Variants in TFDP1 observed in about 807,000 individuals in gnomAD.
TFDP1 encodes DRTF1-polypeptide 1.
A neutral mutation model predicts 48.0 loss-of-function variants in TFDP1; 6 were observed. The ratio of observed to expected loss-of-function variants is 0.13; its 90% confidence interval spans 0.07 to 0.25. TFDP1 has a LOEUF of 0.25. Ranked by LOEUF, TFDP1 falls within the 10% of genes least tolerant of loss-of-function variation. TFDP1 has a pLI of 1.00. For missense variants in TFDP1, 335 were observed against 543.0 expected (o/e 0.62, Z 3.81); for synonymous variants, 201 against 211.6 (o/e 0.95, Z 0.44).
intron 2 of TFDP1, among the ~76,000 whole-genome samples, chr13:113,602,201 C>T (rs775741194): frequency 4.7e-5 from 7 of 147,734 alleles, no homozygotes; most frequent in African/African-American, 1.5e-4. Flanking sequence ...CGGAGTTACC[C>T]GCAGGAGCTG....
At chr13:113,628,718 C>G (rs993617689) in intron 4 of TFDP1, among the ~76,000 whole-genome samples, 3 of 152,152 alleles carry the variant, frequency 2.0e-5, no homozygotes, top group African/African-American at 4.8e-5. Context: ...CTTTTTTTCC[C>G]TAGGGGCCCA....
In TFDP1 at chr13:113,625,567, CGTGTCCTCAGGTGTTTCTCAG is replaced by C. The variant is rs200175002; in HGVS notation, c.186+2287_186+2307del. ...CTCACGTGTCCTCAGGTGTCTCTCA[CGTGTCCTCAGGTGTTTCTCAG>C]GTGTCTCTCACGTGTCTTCAGGCGT... On this transcript the variant is annotated intron_variant, in intron 4 of 11. Coordinates refer to ENST00000375370, the MANE Select transcript of TFDP1 (RefSeq NM_007111.5). Among the ~76,000 whole-genome samples the C allele has an allele frequency of 5.8e-3, 525 of 90,090 alleles. 24 individuals are homozygous for C. Among genetic ancestry groups the C allele is most frequent in the Middle Eastern group, 0.013 (2 of 158 alleles). 59.1% of individuals were successfully genotyped at this position (90,090 alleles called of 152,430 possible). A position where few individuals can be genotyped will look rare whatever the true frequency, so the allele number is the denominator to read the frequency against.
In TFDP1 at chr13:113,640,347, C is replaced by G; in HGVS notation, c.*80C>G. ...TTTTTTTAATGTGGGTTTTCTGTTT[C>G]CTTTTGGCCTACTCCCAAGAAGATA... On this transcript the variant is annotated 3_prime_UTR_variant, in exon 12 of 12. Transcript: ENST00000375370. 1 of 1,526,408 alleles carries G rather than the reference C, an allele frequency of 6.6e-7. No homozygotes were observed. The highest frequency in any genetic ancestry group is 1.2e-5 in the South Asian group (1 of 81,450). 94.6% of individuals were successfully genotyped at this position (1,526,408 alleles called of 1,614,324 possible). A position where few individuals can be genotyped will look rare whatever the true frequency, so the allele number is the denominator to read the frequency against.
intron 2 of TFDP1, among the ~76,000 whole-genome samples, chr13:113,597,864 G>T (rs1240514957): frequency 6.6e-6 from 1 of 152,188 alleles, no homozygotes; most frequent in East Asian, 1.9e-4. Context: ...CTTTGCCCCA[G>T]TGTTGCACAG....
intron 4 of TFDP1, among the ~76,000 whole-genome samples, chr13:113,628,195 A>AAGCCGTGTAAAGACTGTCTGG (rs1375505771): frequency 1.4e-5 from 2 of 145,044 alleles, no homozygotes; most frequent in Admixed American, 6.8e-5. Flanking sequence ...ACTGTGTCTG[A>AAGCCGTGTAAAGACTGTCTGG]AGCCGTGTAA....
intron 4 of TFDP1, among the ~76,000 whole-genome samples, chr13:113,626,424 AAG>A (rs1403995356): frequency 4.6e-5 from 7 of 152,176 alleles, no homozygotes; most frequent in Non-Finnish European, 7.3e-5. Context: ...TATGAGTTTT[AAG>A]AGAGAGTGGC....
chr13:113,629,285 C>T (rs1044881696), intron 4 of TFDP1, among the ~76,000 whole-genome samples: 1 of 152,190 alleles, frequency 6.6e-6, no homozygotes, highest in African/African-American at 2.4e-5. Flanking sequence ...ACCTGGCCTC[C>T]GTAAACAACG....
Position 113,633,094 on chromosome 13 carries a change from C to T in TFDP1, c.309-26C>T, listed in dbSNP as rs1262384110. 1.2e-6 allele frequency: 2 copies of T among 1,613,488 alleles called. No individual in the cohort carries two copies. The highest frequency in any genetic ancestry group is 1.1e-5 in the South Asian group (1 of 91,024). On this transcript the variant is annotated intron_variant, in intron 5 of 11. Transcript: ENST00000375370. This position sits in a 1 kb window ranked among gnomAD's most constrained non-coding sequence, Gnocchi z 4.5. ...TGATCCTCAGGAGGGCTGACAGTCG[C>T]TTCTCTTTTCCTTTGTATTTTGAAG...
chr13:113,587,059 T>G (rs1594389097), intron 2 of TFDP1, among the ~76,000 whole-genome samples: 1 of 152,170 alleles, frequency 6.6e-6, no homozygotes, highest in East Asian at 1.9e-4. Context: ...TGTTGTGTGG[T>G]TTCCTGTGTG....
intron 2 of TFDP1, among the ~76,000 whole-genome samples, chr13:113,594,869 A>G (rs1469720591): frequency 6.6e-6 from 1 of 152,276 alleles, no homozygotes; most frequent in African/African-American, 2.4e-5. Context: ...GAAAATTTGG[A>G]AAAATTCTAG....
chr13:113,591,026 A>G (rs112584014), intron 2 of TFDP1, among the ~76,000 whole-genome samples: 1,756 of 145,544 alleles, frequency 0.012, 65 homozygotes, highest in African/African-American at 0.043. Flanking sequence ...AAAAAAAAAA[A>G]AAAAGAAAAA....
At chr13:113,614,209 T>C (rs568676643) in intron 3 of TFDP1, among the ~76,000 whole-genome samples, 1 of 151,226 alleles carries the variant, frequency 6.6e-6, no homozygotes, top group Non-Finnish European at 1.5e-5. Context: ...TGTGTGCGAG[T>C]TGAGTATGAT....
chr13:113,602,985 A>AAAACAC (rs58126506), intron 2 of TFDP1, among the ~76,000 whole-genome samples: 1 of 146,954 alleles, frequency 6.8e-6, no homozygotes. Flanking sequence ...AAAAAAAAAA[A>AAAACAC]ACGTATAATT....
At chr13:113,612,894 C>G (rs780307933) in intron 3 of TFDP1, among the ~76,000 whole-genome samples, 1 of 152,248 alleles carries the variant, frequency 6.6e-6, no homozygotes, top group Non-Finnish European at 1.5e-5. Context: ...CCGCGTGCCC[C>G]GGCCCCCAGA....
chr13:113,585,752 C>CT (rs113638790), intron 1 of TFDP1, 22 bp from the exon 2 acceptor site: 29,541 of 1,086,438 alleles, frequency 0.027, 14 homozygotes, highest in East Asian at 0.039. Flanking sequence ...TTTTTCCTTA[C>CT]TTTTTTTTTT....
At chr13:113,603,183 G>T (rs1341958038) in intron 2 of TFDP1, among the ~76,000 whole-genome samples, 1 of 152,234 alleles carries the variant, frequency 6.6e-6, no homozygotes, top group East Asian at 1.9e-4. Flanking sequence ...TGGGGTCCAG[G>T]TGTATGCCCC....
chr13:113,605,913 G>A (rs12876456), intron 2 of TFDP1, among the ~76,000 whole-genome samples: 58,604 of 139,374 alleles, frequency 0.42, 12,902 homozygotes, highest in African/African-American at 0.59. Flanking sequence ...GCGCGGTGAT[G>A]AGTGTCCATA....
intron 2 of TFDP1, among the ~76,000 whole-genome samples, chr13:113,606,035 T>C (rs1461368453): frequency 2.1e-5 from 3 of 141,526 alleles, no homozygotes; most frequent in Middle Eastern, 3.9e-3. Context: ...GGCGCGGTGA[T>C]GAGTGTCCGC....
intron 2 of TFDP1, among the ~76,000 whole-genome samples, chr13:113,586,602 A>C (rs899048911): frequency 6.6e-6 from 1 of 152,172 alleles, no homozygotes; most frequent in African/African-American, 2.4e-5. Context: ...GTGTTTACCT[A>C]CTTACCGCAC....
Sources: allele counts gnomAD v4.1 joint callset (sites outside exome capture counted in the v4.1 genomes callset), GRCh38; gene constraint gnomAD v4.1.1; non-coding constraint Gnocchi (gnomAD v3.1); transcripts MANE v1.5; gene names NCBI Gene and HGNC (gene_info 2026-07-23, HGNC 2026-07-21).